DMTN: variants seen among roughly 807,000 people sequenced by gnomAD.
DMTN encodes the protein dematin.
In DMTN, 27 loss-of-function variants were observed where a neutral mutation model predicts 59.4. That is an observed-to-expected ratio of 0.45 (90% CI 0.33 to 0.63). The LOEUF (loss-of-function observed/expected upper bound fraction) is 0.63. DMTN is among the 20% of genes least tolerant of loss of function. The probability of loss-of-function intolerance (pLI) is 0.02; values close to 1 mark genes in which losing one functional copy is unlikely to be tolerated. For missense variants in DMTN, 451 were observed against 528.9 expected (o/e 0.85, Z 1.45); for synonymous variants, 221 against 203.7 (o/e 1.08, Z -0.72).
rs1243354154 is a variant in DMTN, at chr8:22,072,249, A to C, written c.605-77A>C. On this transcript the variant is annotated intron_variant, in intron 8 of 15. Coordinates refer to ENST00000358242, the MANE Select transcript of DMTN (RefSeq NM_001387751.1). ...ATCAAGGTCCAGCCCAGAGCAGTGC[A>C]CAGAGGCTGTGCCATGTAAACACAC... The C allele has an allele frequency of 4.6e-6, 7 of 1,507,100 alleles. No individual in the cohort carries two copies. The Admixed American group carries it at 1.4e-4, about 30-fold the overall frequency. The allele number at this position is 1,507,100 out of a possible 1,614,324, so 93.4% of individuals were successfully genotyped here.
rs1234438794 is a variant in DMTN, at chr8:22,081,523, GC to G, written c.*61del. ...CCTGCTGCTTCAGGGTTTTTCCCCGGCGGGTTGGGAGGGGCAGGAGGTGGGG... is the reference window on the plus strand; with the variant it reads ...CCTGCTGCTTCAGGGTTTTTCCCCGGGGGTTGGGAGGGGCAGGAGGTGGGG... On this transcript the variant is annotated 3_prime_UTR_variant, in exon 16 of 16. Transcript: ENST00000358242. The G allele has an allele frequency of 6.5e-7, 1 of 1,528,826 alleles. No individual in the cohort carries two copies. Among genetic ancestry groups the G allele is most frequent in the African/African-American group, 1.4e-5 (1 of 73,184 alleles). The allele number at this position is 1,528,826 out of a possible 1,614,324, so 94.7% of individuals were successfully genotyped here.
chr8:22,074,696 C>T (rs1818355554), intron 10 of DMTN, among the ~76,000 whole-genome samples: 1 of 152,162 alleles, frequency 6.6e-6, no homozygotes, highest in Non-Finnish European at 1.5e-5. Context: ...GCTGGCTGAG[C>T]CTCCAGGAGT....
intron 1 of DMTN, chr8:22,066,421 G>C (rs1334054066): frequency 6.5e-6 from 1 of 153,378 alleles, no homozygotes; most frequent in African/African-American, 2.4e-5. Flanking sequence ...GCCGCAGGCC[G>C]GGCCGGGGCG....
At chr8:22,049,162 CG>C (rs1801060576), upstream of DMTN, 1 of 146,704 alleles carries the variant, frequency 6.8e-6, no homozygotes, top group Non-Finnish European at 1.5e-5. Context: ...CGGAGCCCGG[CG>C]GAGCCCGGGC....
intron 4 of DMTN, among the ~76,000 whole-genome samples, chr8:22,068,094 A>G (rs1018150381): frequency 6.6e-6 from 1 of 152,220 alleles, no homozygotes; most frequent in Non-Finnish European, 1.5e-5. Flanking sequence ...TGCAGGAGAC[A>G]GTGCAAGGCA....
At chr8:22,076,773 CAT>C (rs1230580592) in intron 10 of DMTN, among the ~76,000 whole-genome samples, 2 of 151,810 alleles carry the variant, frequency 1.3e-5, no homozygotes, top group Non-Finnish European at 2.9e-5. Flanking sequence ...CACACACACA[CAT>C]ATACATATAT....
At chr8:22,062,786 C>G (rs1278329607) in intron 1 of DMTN, among the ~76,000 whole-genome samples, 2 of 152,166 alleles carry the variant, frequency 1.3e-5, no homozygotes, top group Non-Finnish European at 2.9e-5. Flanking sequence ...GTTCTACTCT[C>G]TCAGCCCCTC....
chr8:22,066,752 C>T lies in DMTN; in HGVS notation c.-124C>T, dbSNP rs952318710. 8.9e-6 allele frequency: 10 copies of T among 1,124,192 alleles called. No individual in the cohort carries two copies. The highest frequency in any genetic ancestry group is 3.9e-5 in the Admixed American group (1 of 25,602). 69.6% of individuals were successfully genotyped at this position (1,124,192 alleles called of 1,614,324 possible). On this transcript the variant is annotated 5_prime_UTR_variant, in exon 2 of 16. It adds an upstream start codon to the 5' untranslated region. Transcript: ENST00000358242. The stretch of plus-strand genomic sequence containing the variant: ...ATGAGGACGCGCCAGCCCGGGGGAA[C>T]GCGCCAGCTGCTTTCGCGGCCCCAA...
upstream of DMTN, chr8:22,055,650 A>G (rs1202169036): frequency 7.5e-6 from 1 of 132,638 alleles, no homozygotes; most frequent in Non-Finnish European, 1.6e-5. Flanking sequence ...CTCTACCTTC[A>G]CAGCCACCCC....
At chr8:22,052,825 GT>G (rs1482101700), upstream of DMTN, among the ~76,000 whole-genome samples, 1 of 152,200 alleles carries the variant, frequency 6.6e-6, no homozygotes, top group Non-Finnish European at 1.5e-5. Context: ...GCAGTGAGAT[GT>G]TCCCATGTAG....
At chr8:22,067,820 A>T (rs1335360577) in intron 4 of DMTN, 138 bp downstream of exon 4, 1 of 1,027,044 alleles carries the variant, frequency 9.7e-7, no homozygotes, top group African/African-American at 1.6e-5. Context: ...GCAGGAACCA[A>T]CCAGTCAGTC....
At chr8:22,080,728 G>A (rs1302742326) in intron 13 of DMTN, 77 bp from the exon 14 acceptor site, 1 of 1,583,246 alleles carries the variant, frequency 6.3e-7, no homozygotes. Context: ...GTTGCCTGGT[G>A]AAGAAGAAGA....
At chr8:22,078,877 A>G (rs533243238) in intron 10 of DMTN, among the ~76,000 whole-genome samples, 100 of 135,906 alleles carry the variant, frequency 7.4e-4, no homozygotes, top group Middle Eastern at 5.0e-3. Flanking sequence ...GCTCACTGCA[A>G]GGTCCGCCTC....
At chr8:22,070,640 A>G (rs1814615213) in intron 8 of DMTN, among the ~76,000 whole-genome samples, 1 of 152,234 alleles carries the variant, frequency 6.6e-6, no homozygotes, top group Admixed American at 6.5e-5. Context: ...GGAAAGAGAA[A>G]GATAAATGAT....
upstream of DMTN, among the ~76,000 whole-genome samples, chr8:22,051,917 C>T (rs570848644): frequency 6.6e-6 from 1 of 152,242 alleles, no homozygotes; most frequent in Non-Finnish European, 1.5e-5. Flanking sequence ...ATCTTTAAGA[C>T]TCCTGTCCAG....
At chr8:22,050,344 G>A (rs1801218018), upstream of DMTN, among the ~76,000 whole-genome samples, 2 of 151,988 alleles carry the variant, frequency 1.3e-5, no homozygotes, top group South Asian at 2.1e-4. Context: ...TGGGGAGGGG[G>A]CTCTTAAAAT....
At chr8:22,065,032 GCA>G (rs1417133797) in intron 1 of DMTN, among the ~76,000 whole-genome samples, 2 of 152,132 alleles carry the variant, frequency 1.3e-5, no homozygotes, top group Non-Finnish European at 2.9e-5. Flanking sequence ...AAAGTACCTA[GCA>G]CATAATGAGC....
At position 22,069,045 on chromosome 8, in the gene DMTN, C is replaced by G. The variant is rs1205655814; in HGVS notation, c.279C>G (p.Pro93=). 2.5e-6 allele frequency: 4 copies of G among 1,612,602 alleles called. No homozygotes were observed. The highest frequency in any genetic ancestry group is 1.7e-4 in the Middle Eastern group (1 of 6,052). ...CGCTGTCACCCAAATCCACATCCCC[C>G]CCACCATCCCCAGAGGTGAGTCTGC... The part of the protein sequence containing the change: ...ERSLSPKSTS[P]PPSPEVWADS... Residue 93 remains proline (P), a synonymous_variant, in exon 5 of 16, where the codon CCC becomes CCG. Coordinates refer to ENST00000358242, the MANE Select transcript of DMTN (RefSeq NM_001387751.1).
In DMTN at chr8:22,078,798, G is replaced by GTTTTTT. The variant is rs1224977627; in HGVS notation, c.836-1371_836-1366dup. The stretch of plus-strand genomic sequence containing the variant: ...TCTTTCTGTAGTATAATGTCAGACT[G>GTTTTTT]TTTTTTTTTTTTTTTTGAGATGGAG... On this transcript the variant is annotated intron_variant, in intron 10 of 15. Coordinates refer to ENST00000358242, the MANE Select transcript of DMTN (RefSeq NM_001387751.1). 1.6e-3 allele frequency among the ~76,000 whole-genome samples: 136 copies of GTTTTTT among 85,082 alleles called. 24 individuals carry two copies. The highest frequency in any genetic ancestry group is 0.014 in the Middle Eastern group (1 of 74). The allele number at this position is 85,082 out of a possible 152,430, so 55.8% of individuals were successfully genotyped here.
Sources: allele counts gnomAD v4.1 joint callset (sites outside exome capture counted in the v4.1 genomes callset), GRCh38; gene constraint gnomAD v4.1.1; transcripts MANE v1.5; gene names NCBI Gene and HGNC (gene_info 2026-07-23, HGNC 2026-07-21).